The following ADGRB3 variants were observed in gnomAD, a reference collection of about 807,000 sequenced individuals.
ADGRB3 encodes the protein adhesion G protein-coupled receptor B3.
Under a neutral mutation model 193.4 loss-of-function variants are expected in ADGRB3, and 37 were observed. That is an observed-to-expected ratio of 0.19 (90% confidence interval 0.15 to 0.25). The LOEUF (loss-of-function observed/expected upper bound fraction) is 0.25, where lower values mean the gene tolerates loss of function less well. Ranked by LOEUF, ADGRB3 falls within the 10% of genes least tolerant of loss-of-function variation. ADGRB3 has a pLI of 1.00. For synonymous variants in ADGRB3, 690 were observed against 644.2 expected, an observed-to-expected ratio of 1.07 and a Z score of -1.08; for missense variants, 1,637 against 1,852.9, an observed-to-expected ratio of 0.88 and a Z score of 2.14.
At chr6:68,679,388 G>A (rs1438261572) in intron 3 of ADGRB3, among the ~76,000 whole-genome samples, 1 of 152,122 alleles carries the variant, frequency 6.6e-6, no homozygotes, top group African/African-American at 2.4e-5. Context: ...AATTCAAGTA[G>A]AGAAAGGGGA....
At chr6:69,106,164 T>TAAAA (rs61114782) in intron 17 of ADGRB3, among the ~76,000 whole-genome samples, 5 of 91,078 alleles carry the variant, frequency 5.5e-5, no homozygotes, top group Admixed American at 1.3e-4. Context: ...GAGACTGCGT[T>TAAAA]AAAAAAAAAA....
chr6:69,302,871 C>T (rs959204083), intron 20 of ADGRB3, among the ~76,000 whole-genome samples: 7 of 151,772 alleles, frequency 4.6e-5, no homozygotes, highest in Non-Finnish European at 7.4e-5. Context: ...TATGACAGAG[C>T]GAATCAAGGA....
At chr6:69,157,940 T>A (rs1774889726) in intron 17 of ADGRB3, among the ~76,000 whole-genome samples, 1 of 152,156 alleles carries the variant, frequency 6.6e-6, no homozygotes, top group Admixed American at 6.6e-5. Context: ...TTAAGTGTGA[T>A]TTTAACATAA....
At chr6:68,989,243 A>G (rs1410220216) in intron 10 of ADGRB3, among the ~76,000 whole-genome samples, 1 of 152,212 alleles carries the variant, frequency 6.6e-6, no homozygotes, top group African/African-American at 2.4e-5. Flanking sequence ...TATTGTTTAA[A>G]ATCGTTAAGA....
intron 16 of ADGRB3, among the ~76,000 whole-genome samples, chr6:69,069,866 A>G (rs1772027984): frequency 6.6e-6 from 1 of 152,096 alleles, no homozygotes; most frequent in Non-Finnish European, 1.5e-5. Flanking sequence ...GGGTAGTTAT[A>G]TACAATAATA....
At chr6:69,098,186 C>T (rs1772938601) in intron 17 of ADGRB3, among the ~76,000 whole-genome samples, 1 of 152,200 alleles carries the variant, frequency 6.6e-6, no homozygotes, top group East Asian at 1.9e-4. Context: ...CTCTTCCTGC[C>T]TTGGCCTCCT....
intron 3 of ADGRB3, among the ~76,000 whole-genome samples, chr6:68,921,043 A>G (rs1487984995): frequency 6.6e-6 from 1 of 152,188 alleles, no homozygotes; most frequent in Admixed American, 6.5e-5. Context: ...GGATATCTCG[A>G]GAAAAAAGTA....
chr6:69,234,935 G>T (rs1017450979), intron 18 of ADGRB3, 97 bp from the exon 19 acceptor site: 15 of 886,720 alleles, frequency 1.7e-5, no homozygotes, highest in Non-Finnish European at 2.5e-5. Flanking sequence ...AACTATATAG[G>T]CTATTTTTGA....
chr6:69,123,012 G>GTGTC (rs1206607477), intron 17 of ADGRB3, among the ~76,000 whole-genome samples: 1 of 151,172 alleles, frequency 6.6e-6, no homozygotes, highest in Non-Finnish European at 1.5e-5. Context: ...GTGTGTGTGT[G>GTGTC]TGTGTGTGTG....
At chr6:68,705,828 G>A (rs999291871) in intron 3 of ADGRB3, among the ~76,000 whole-genome samples, 1 of 152,180 alleles carries the variant, frequency 6.6e-6, no homozygotes, top group African/African-American at 2.4e-5. Flanking sequence ...GGGCAAGTGA[G>A]AAGTTACATC....
rs71672105 is a variant in ADGRB3, at chr6:68,956,301, A to ATATATG, written c.1360+114_1360+115insATATGT. 16 of 879,344 alleles carry ATATATG rather than the reference A, an allele frequency of 1.8e-5. No homozygotes were observed. The African/African-American group carries it at 2.7e-4, about 15-fold the overall frequency. The allele number at this position is 879,344 out of a possible 1,614,324, so 54.5% of individuals were successfully genotyped here. ...GAAAGAAGATAATCATTATATATAT[A>ATATATG]TGTGTGTGTGTGTGTGTGTGTGTGT... On this transcript the variant is annotated intron_variant, in intron 7 of 31. Coordinates refer to ENST00000370598, the MANE Select transcript of ADGRB3 (RefSeq NM_001704.3).
chr6:69,172,643 C>CAA (rs70987454), intron 17 of ADGRB3, among the ~76,000 whole-genome samples: 563 of 26,792 alleles, frequency 0.021, 74 homozygotes, highest in African/African-American at 0.054. Flanking sequence ...GACTCTGTCT[C>CAA]AAAAAAAAAA....
chr6:69,339,392 C>A lies in ADGRB3; in HGVS notation c.3347C>A (p.Ala1116Glu). 1 of 1,613,968 alleles carries A rather than the reference C, an allele frequency of 6.2e-7. No individual in the cohort carries two copies. Among genetic ancestry groups the A allele is most frequent in the Non-Finnish European group, 8.5e-7 (1 of 1,179,904 alleles). ...LPLLALTWMS[A>E]VLAMTDKRSI... is the part of the protein sequence containing the mutation. The stretch of plus-strand genomic sequence containing the variant: ...CTTCTGGCTTTGACGTGGATGTCTG[C>A]GGTTCTGGCCATGACAGATAAACGC... Residue 1116 changes from alanine (A) to glutamate (E), a missense_variant, in exon 26 of 32, where the codon GCG becomes GAG. Transcript: ENST00000370598.
Position 68,669,165 on chromosome 6 carries a change from G to T in ADGRB3, c.757+29733G>T, listed in dbSNP as rs373705037. Among the ~76,000 whole-genome samples, 41 of 151,984 alleles carry T rather than the reference G, an allele frequency of 2.7e-4. No individual in the cohort carries two copies. The East Asian group carries it at 7.2e-3, about 27-fold the overall frequency. The stretch of plus-strand genomic sequence containing the variant: ...TCCACAGGCATGCTATGTGAAATAA[G>T]GACGTCATGGAGAATGAGGCATCCA... On this transcript the variant is annotated intron_variant, in intron 3 of 31. Coordinates refer to ENST00000370598, the MANE Select transcript of ADGRB3 (RefSeq NM_001704.3).
intron 3 of ADGRB3, among the ~76,000 whole-genome samples, chr6:68,729,907 G>A (rs1765740806): frequency 1.3e-5 from 2 of 151,264 alleles, no homozygotes; most frequent in South Asian, 4.2e-4. Context: ...GTACTCTTAT[G>A]AGCTCTGGAG....
At chr6:69,342,567 A>G (rs1768999457) in intron 26 of ADGRB3, among the ~76,000 whole-genome samples, 1 of 152,162 alleles carries the variant, frequency 6.6e-6, no homozygotes, top group Non-Finnish European at 1.5e-5. Context: ...ATTGCCTGAC[A>G]CTAGCAATGG....
At chr6:69,154,691 A>G (rs1028118575) in intron 17 of ADGRB3, among the ~76,000 whole-genome samples, 4 of 152,174 alleles carry the variant, frequency 2.6e-5, no homozygotes, top group Non-Finnish European at 5.9e-5. Flanking sequence ...GCTAACGTAT[A>G]GGTCTAATGG....
chr6:69,330,300 T>C (rs969497719), intron 22 of ADGRB3, among the ~76,000 whole-genome samples: 3 of 152,218 alleles, frequency 2.0e-5, no homozygotes, highest in Non-Finnish European at 4.4e-5. Context: ...AACTTTCTTT[T>C]GAGTTAGATA....
At chr6:68,917,506 G>T (rs1766916364) in intron 3 of ADGRB3, among the ~76,000 whole-genome samples, 1 of 151,734 alleles carries the variant, frequency 6.6e-6, no homozygotes, top group Non-Finnish European at 1.5e-5. Context: ...AAGTTTTCTT[G>T]TTTCAAGTTA....
Sources: gnomAD v4.1 joint callset for allele counts (sites outside exome capture counted in the v4.1 genomes callset) on GRCh38, gnomAD v4.1.1 for gene constraint, MANE v1.5 for transcripts, NCBI Gene and HGNC (gene_info 2026-07-23, HGNC 2026-07-21) for gene names.